Variants in IL15RA observed in about 807,000 individuals in gnomAD.
IL15RA encodes the protein interleukin-15 receptor subunit alpha.
In IL15RA, 26 loss-of-function variants were observed where a neutral mutation model predicts 24.2. That is an observed-to-expected ratio of 1.07 (90% CI 0.79 to 1.49). The LOEUF (loss-of-function observed/expected upper bound fraction) is 1.49. Among genes scored for constraint, IL15RA ranks in the 40% most tolerant of loss-of-function variants. The pLI is 0.00. For synonymous variants in IL15RA, 166 were observed against 157.6 expected (o/e 1.05, Z -0.40); for missense variants, 354 against 356.4 (o/e 0.99, Z 0.05).
intron 1 of IL15RA, among the ~76,000 whole-genome samples, chr10:5,972,033 T>C (rs1837691895): frequency 1.3e-5 from 2 of 152,260 alleles, no homozygotes; most frequent in African/African-American, 2.4e-5. Context: ...TTCTGTCTCC[T>C]GCATTGACAC....
At chr10:5,976,233 T>C (rs1002163414) in intron 1 of IL15RA, among the ~76,000 whole-genome samples, 1 of 142,622 alleles carries the variant, frequency 7.0e-6, no homozygotes. Flanking sequence ...AGCATCAGAG[T>C]CTCATGAAAA....
rs754881149 is a variant in IL15RA at position 5,977,424 on chromosome 10, GAGC to G, written c.66_68del (p.Leu23del). 104 of 1,352,134 alleles carry G rather than the reference GAGC, an allele frequency of 7.7e-5. No homozygotes were observed. Among genetic ancestry groups the G allele is most frequent in the South Asian group, 4.3e-4 (24 of 55,708 alleles). 83.8% of individuals were successfully genotyped at this position (1,352,134 alleles called of 1,614,324 possible). A position where few individuals can be genotyped will look rare whatever the true frequency, so the allele number is the denominator to read the frequency against. On this transcript the variant is annotated inframe_deletion, in exon 1 of 7. Coordinates refer to ENST00000379977, the MANE Select transcript of IL15RA (RefSeq NM_002189.4). ...CCCTACCCCGCGTCGCCGGCGGCCG[GAGC>G]AGCAGCAGCAGTAGCAGCGCCGGGA...
At chr10:5,969,478 T>A (rs1411133471) in intron 1 of IL15RA, among the ~76,000 whole-genome samples, 1 of 152,164 alleles carries the variant, frequency 6.6e-6, no homozygotes, top group African/African-American at 2.4e-5. Flanking sequence ...GCTCAAGTGA[T>A]CTTTCCACCT....
rs541846446 is a variant in IL15RA at position 5,962,769 on chromosome 10, G to A, written c.382+974C>T. Among the ~76,000 whole-genome samples the A allele has an allele frequency of 6.6e-6, 1 of 152,200 alleles. No homozygotes were observed. Among genetic ancestry groups the A allele is most frequent in the African/African-American group, 2.4e-5 (1 of 41,524 alleles). On this transcript the variant is annotated intron_variant, in intron 3 of 6. Coordinates refer to ENST00000379977, the MANE Select transcript of IL15RA (RefSeq NM_002189.4). The surrounding 1 kb of genome is among the most constrained non-coding windows in gnomAD (Gnocchi z 5.2). ...GACAACAGACAGGCCCATCCCCCCG[G>A]GGGCAAAGGAGTAGACAGGACCAGG...
Position 5,966,624 on chromosome 10 carries a change from G to A in IL15RA, c.89-285C>T, listed in dbSNP as rs1268861666. Among the ~76,000 whole-genome samples, 2 of 151,836 alleles carry A rather than the reference G, an allele frequency of 1.3e-5. No homozygotes were observed. Among genetic ancestry groups the A allele is most frequent in the African/African-American group, 4.8e-5 (2 of 41,332 alleles). ...CCCTTCATTTCCCACCCCTCTCCAA[G>A]CCCTCAGTCTCTCTTAAAGTCTTCA... On this transcript the variant is annotated intron_variant, in intron 1 of 6. Coordinates refer to ENST00000379977, the MANE Select transcript of IL15RA (RefSeq NM_002189.4). The surrounding 1 kb of genome is among the most constrained non-coding windows in gnomAD (Gnocchi z 6.4).
At position 5,970,814 on chromosome 10, in the gene IL15RA, A is replaced by G. The variant is rs950000214; in HGVS notation, c.89-4475T>C. ...CTAGCTCTGTCACCCAGGCTAGAGCACAATGGCATGATTATGCCCCGCTGC... is the reference window on the plus strand; with the variant it reads ...CTAGCTCTGTCACCCAGGCTAGAGCGCAATGGCATGATTATGCCCCGCTGC... On this transcript the variant is annotated intron_variant, in intron 1 of 6. Transcript: ENST00000379977. This position sits in a 1 kb window ranked among gnomAD's most constrained non-coding sequence, Gnocchi z 4.1. 1.3e-5 allele frequency among the ~76,000 whole-genome samples: 2 copies of G among 151,456 alleles called. No homozygotes were observed. The highest frequency in any genetic ancestry group is 2.9e-5 in the Non-Finnish European group (2 of 67,968).
downstream of IL15RA, among the ~76,000 whole-genome samples, chr10:5,951,423 A>C (rs1379347003): frequency 6.6e-6 from 1 of 152,230 alleles, no homozygotes; most frequent in East Asian, 1.9e-4. Flanking sequence ...CCAAATGCTC[A>C]CAGTGGCTCC....
upstream of IL15RA, among the ~76,000 whole-genome samples, chr10:5,978,414 T>C (rs970760613): frequency 3.1e-4 from 47 of 152,216 alleles, no homozygotes; most frequent in East Asian, 1.9e-4. The surrounding 1 kb of genome is among the most constrained non-coding windows in gnomAD (Gnocchi z 5.2). Context: ...AGCGGTGACA[T>C]TGGACAGGAC....
rs8177696 is a variant in IL15RA, at chr10:5,961,802, G to A, written c.383-1235C>T. The stretch of plus-strand genomic sequence containing the variant: ...GAATCTAGGAAACGTGAGGCCAAGC[G>A]CTGTGGCTCTCTGGACGCACTGTTG... On this transcript the variant is annotated intron_variant, in intron 3 of 6. Coordinates refer to ENST00000379977, the MANE Select transcript of IL15RA (RefSeq NM_002189.4). This position sits in a 1 kb window ranked among gnomAD's most constrained non-coding sequence, Gnocchi z 5.2. Among the ~76,000 whole-genome samples, 669 of 152,338 alleles carry A rather than the reference G, an allele frequency of 4.4e-3. 10 individuals are homozygous for A. Among genetic ancestry groups the A allele is most frequent in the African/African-American group, 0.016 (659 of 41,566 alleles).
At position 5,965,291 on chromosome 10, in the gene IL15RA, G is replaced by A. The variant is rs1836323423; in HGVS notation, c.283+854C>T. Among the ~76,000 whole-genome samples the A allele has an allele frequency of 6.6e-6, 1 of 152,180 alleles. No individual in the cohort carries two copies. The highest frequency in any genetic ancestry group is 1.5e-5 in the Non-Finnish European group (1 of 68,032). On this transcript the variant is annotated intron_variant, in intron 2 of 6. Transcript: ENST00000379977. This position sits in a 1 kb window ranked among gnomAD's most constrained non-coding sequence, Gnocchi z 5.8. ...TGCTGGACACCATGCACAGGTGACTGAGCAAAGGGCAGCCCTGCTCCAGGG... is the reference window on the plus strand; with the variant it reads ...TGCTGGACACCATGCACAGGTGACTAAGCAAAGGGCAGCCCTGCTCCAGGG...
rs1242504254 is a variant in IL15RA, at chr10:5,962,378, G to A, written c.382+1365C>T. Among the ~76,000 whole-genome samples, 1 of 152,086 alleles carries A rather than the reference G, an allele frequency of 6.6e-6. No individual in the cohort carries two copies. Among genetic ancestry groups the A allele is most frequent in the Non-Finnish European group, 1.5e-5 (1 of 68,022 alleles). On this transcript the variant is annotated intron_variant, in intron 3 of 6. Transcript: ENST00000379977. This position sits in a 1 kb window ranked among gnomAD's most constrained non-coding sequence, Gnocchi z 5.2. ...AGACTAAGGCTTGCGGATCACCTGA[G>A]GTCAGGAGTTTGAGACCAGACTGAC... is the stretch of plus-strand genomic sequence containing the variant.
Position 5,953,440 on chromosome 10 carries a change from T to A in IL15RA, c.693-234A>T. On this transcript the variant is annotated intron_variant, in intron 6 of 6. Coordinates refer to ENST00000379977, the MANE Select transcript of IL15RA (RefSeq NM_002189.4). This position sits in a 1 kb window ranked among gnomAD's most constrained non-coding sequence, Gnocchi z 5.3. ...TCTAGGGGCCAGGTGTGGTGGCGCA[T>A]GCCTGTAATCCTAGCACTTTAGGAG... 1.5e-6 allele frequency: 1 copy of A among 688,972 alleles called. No homozygotes were observed. The highest frequency in any genetic ancestry group is 2.0e-5 in the Admixed American group (1 of 49,110). The allele number at this position is 688,972 out of a possible 1,614,324, so 42.7% of individuals were successfully genotyped here.
chr10:5,958,579 GT>G lies in IL15RA; in HGVS notation c.616+1174del, dbSNP rs746829841. Among the ~76,000 whole-genome samples, 1 of 152,156 alleles carries G rather than the reference GT, an allele frequency of 6.6e-6. No individual in the cohort carries two copies. Among genetic ancestry groups the G allele is most frequent in the East Asian group, 1.9e-4 (1 of 5,200 alleles). On this transcript the variant is annotated intron_variant, in intron 5 of 6. Transcript: ENST00000379977. The surrounding 1 kb of genome is among the most constrained non-coding windows in gnomAD (Gnocchi z 4.3). Reference sequence around the variant, plus strand: ...TTTTTGTATTTTTAGTAAAGATGGGGTTTTGTCATGTTGTCCAGGCTGGTCT... The same window carrying G: ...TTTTTGTATTTTTAGTAAAGATGGGGTTTGTCATGTTGTCCAGGCTGGTCT...
rs1297409029 is a variant in IL15RA at position 5,960,876 on chromosome 10, G to A, written c.383-309C>T. On this transcript the variant is annotated intron_variant, in intron 3 of 6. Transcript: ENST00000379977. This position sits in a 1 kb window ranked among gnomAD's most constrained non-coding sequence, Gnocchi z 5.1. ...GTGTGAGGATCACTTGAGCCCAGGA[G>A]TTTAAGACCAGCCTGGGCAACACAG... is the stretch of plus-strand genomic sequence containing the variant. Among the ~76,000 whole-genome samples, 3 of 152,112 alleles carry A rather than the reference G, an allele frequency of 2.0e-5. No homozygotes were observed. The highest frequency in any genetic ancestry group is 4.4e-5 in the Non-Finnish European group (3 of 68,018).
chr10:5,950,834 GGCA>G (rs2132215108), downstream of IL15RA: 1 of 152,376 alleles, frequency 6.6e-6, no homozygotes, highest in South Asian at 2.1e-4. The surrounding 1 kb of genome is among the most constrained non-coding windows in gnomAD (Gnocchi z 5.6). Flanking sequence ...GCTGAAGGCA[GGCA>G]GATATCGGTG....
rs184967406 is a variant in IL15RA at position 5,968,700 on chromosome 10, C to T, written c.89-2361G>A. 90 of 694,232 alleles carry T rather than the reference C, an allele frequency of 1.3e-4. 1 individual carries two copies. Among genetic ancestry groups the T allele is most frequent in the Admixed American group, 6.4e-4 (32 of 49,748 alleles). The allele number at this position is 694,232 out of a possible 1,614,324, so 43.0% of individuals were successfully genotyped here. A position where few individuals can be genotyped will look rare whatever the true frequency, so the allele number is the denominator to read the frequency against. ...ACACTGATCTTCTGTCCTTCTCTAC[C>T]TGCCTAAACCACAGAGTGTTATTTC... is the stretch of plus-strand genomic sequence containing the variant. On this transcript the variant is annotated intron_variant, in intron 1 of 6. Transcript: ENST00000379977. This position sits in a 1 kb window ranked among gnomAD's most constrained non-coding sequence, Gnocchi z 5.4.
At position 5,966,218 on chromosome 10, in the gene IL15RA, G is replaced by A. The variant is rs758731218; in HGVS notation, c.210C>T (p.Ser70=). The change falls in exon 2 of 7, where the codon TCC becomes TCT. Residue 70 remains serine (S), a synonymous_variant. Transcript: ENST00000379977. This position sits in a 1 kb window ranked among gnomAD's most constrained non-coding sequence, Gnocchi z 6.4. ...TGTTCAACACGCACTCCGTCAGGCT[G>A]GACGTGCCGGCTTTACGCTTGAAAC... ...NSGFKRKAGT[S]SLTECVLNKA... is the part of the protein sequence containing the mutation. The A allele has an allele frequency of 1.2e-6, 2 of 1,614,044 alleles. No homozygotes were observed. Among genetic ancestry groups the A allele is most frequent in the East Asian group, 2.2e-5 (1 of 44,904 alleles).
rs756989546 is a variant in IL15RA at position 5,960,414 on chromosome 10, G to A, written c.536C>T (p.Thr179Ile). ...TGCTGTGAGTTCCCAGTTCTTGGCT[G>A]TTGTCTGAGAGGGGGTGCCGTGGGA... ...ESSHGTPSQTTAKNWELTASA... is the reference protein window; with the variant it reads ...ESSHGTPSQTIAKNWELTASA... Residue 179 changes from threonine to isoleucine, a missense_variant, in exon 4 of 7, where the codon ACA (threonine) becomes ATA (isoleucine). By Grantham distance (89) the Thr-to-Ile change is moderately conservative. Coordinates refer to ENST00000379977, the MANE Select transcript of IL15RA (RefSeq NM_002189.4). This position sits in a 1 kb window ranked among gnomAD's most constrained non-coding sequence, Gnocchi z 5.1. 3.7e-6 allele frequency: 6 copies of A among 1,614,034 alleles called. No individual in the cohort carries two copies. The highest frequency in any genetic ancestry group is 1.3e-5 in the African/African-American group (1 of 74,906).
chr10:5,949,387 CTAA>C, downstream of IL15RA: 1 of 470,254 alleles, frequency 2.1e-6, no homozygotes, highest in South Asian at 1.5e-5. The surrounding 1 kb of genome is among the most constrained non-coding windows in gnomAD (Gnocchi z 4.4). Context: ...AATATAGTGC[CTAA>C]TATTACCTAA....
Sources: allele counts gnomAD v4.1 joint callset (sites outside exome capture counted in the v4.1 genomes callset), GRCh38; gene constraint gnomAD v4.1.1; non-coding constraint Gnocchi (gnomAD v3.1); transcripts MANE v1.5; gene names NCBI Gene and HGNC (gene_info 2026-07-23, HGNC 2026-07-21).